The following SPATS2 variants were observed in gnomAD, a reference collection of about 807,000 sequenced individuals.
SPATS2 encodes the protein spermatogenesis associated serine rich 2, also known as spermatogenesis-associated serine-rich protein 2.
Under a neutral mutation model 63.7 loss-of-function variants are expected in SPATS2, and 38 were observed. The observed-to-expected ratio is 0.60, with a 90% CI of 0.46 to 0.78. SPATS2 has a LOEUF of 0.78. SPATS2 is among the 30% of genes least tolerant of loss of function. The pLI is 0.00. For synonymous variants in SPATS2, 207 were observed against 232.9 expected (o/e 0.89, Z 1.01); for missense variants, 588 against 666.2 (o/e 0.88, Z 1.29).
At chr12:49,423,513 C>T (rs1945020525) in intron 2 of SPATS2, among the ~76,000 whole-genome samples, 2 of 152,166 alleles carry the variant, frequency 1.3e-5, no homozygotes. Context: ...CCACAACCTG[C>T]TCTCATATTG....
intron 6 of SPATS2, 37 bp downstream of exon 6, chr12:49,490,768 AT>A (rs1946368929): frequency 1.3e-6 from 2 of 1,591,596 alleles, no homozygotes; most frequent in Admixed American, 3.4e-5. Context: ...GATGATGTGT[AT>A]ATTATTTTTA....
intron 2 of SPATS2, among the ~76,000 whole-genome samples, chr12:49,391,608 C>A (rs1944420128): frequency 6.6e-6 from 1 of 151,992 alleles, no homozygotes; most frequent in African/African-American, 2.4e-5. Context: ...TCAGTTGAAA[C>A]CTAAATTTTC....
intron 11 of SPATS2, among the ~76,000 whole-genome samples, chr12:49,520,256 G>A (rs989463180): frequency 2.0e-5 from 3 of 151,214 alleles, no homozygotes; most frequent in African/African-American, 4.9e-5. Context: ...CTAGGATTAC[G>A]GGCATGAGCC....
At chr12:49,414,003 C>A (rs1477275227) in intron 2 of SPATS2, among the ~76,000 whole-genome samples, 1 of 152,174 alleles carries the variant, frequency 6.6e-6, no homozygotes, top group Non-Finnish European at 1.5e-5. Flanking sequence ...TCCTCCATAG[C>A]TCTTGGTCTG....
intron 3 of SPATS2, chr12:49,462,216 C>G: frequency 1.5e-6 from 1 of 684,100 alleles, no homozygotes; most frequent in Non-Finnish European, 2.7e-6. Context: ...AGGATATTTC[C>G]CTGGCCCCTT....
At chr12:49,485,105 C>T (rs1029123813) in intron 4 of SPATS2, among the ~76,000 whole-genome samples, 2 of 148,332 alleles carry the variant, frequency 1.3e-5, no homozygotes, top group African/African-American at 5.0e-5. Flanking sequence ...CTCGCACTGT[C>T]ACCCAGGCTG....
chr12:49,385,306 A>G (rs1259708029), intron 2 of SPATS2, among the ~76,000 whole-genome samples: 1 of 151,374 alleles, frequency 6.6e-6, no homozygotes, highest in Admixed American at 6.6e-5. Context: ...AAACCATGAA[A>G]AAAACACCCT....
intron 2 of SPATS2, among the ~76,000 whole-genome samples, chr12:49,397,872 G>A (rs1270888503): frequency 4.2e-5 from 6 of 143,574 alleles, no homozygotes; most frequent in Admixed American, 2.1e-4. Flanking sequence ...TCCATTGGCC[G>A]AGCATGGTGG....
intron 2 of SPATS2, among the ~76,000 whole-genome samples, chr12:49,447,411 G>A (rs1466452163): frequency 6.6e-6 from 1 of 151,808 alleles, no homozygotes; most frequent in Non-Finnish European, 1.5e-5. Context: ...GCTAATTTTT[G>A]CGTTTTTAGT....
At chr12:49,453,828 G>A (rs1043713873) in intron 2 of SPATS2, among the ~76,000 whole-genome samples, 3 of 150,974 alleles carry the variant, frequency 2.0e-5, no homozygotes, top group East Asian at 3.9e-4. Flanking sequence ...ATCCAAGCAC[G>A]GGACACAGAA....
chr12:49,429,644 C>T (rs1021355450), intron 2 of SPATS2, among the ~76,000 whole-genome samples: 11 of 148,678 alleles, frequency 7.4e-5, no homozygotes, highest in Non-Finnish European at 1.3e-4. Context: ...TTAGTAGAGA[C>T]GGGGTTTCAC....
chr12:49,437,793 T>C (rs1301085164), intron 2 of SPATS2, among the ~76,000 whole-genome samples: 2 of 151,994 alleles, frequency 1.3e-5, no homozygotes, highest in African/African-American at 4.8e-5. Context: ...AGTCCAGCTT[T>C]GGCTCGGCAT....
rs537167564 is a variant in SPATS2 at position 49,462,405 on chromosome 12, G to T, written c.25+1368G>T. 3.7e-5 allele frequency: 26 copies of T among 702,404 alleles called. No individual in the cohort carries two copies. In the African/African-American group the frequency reaches 4.0e-4, roughly 11 times the overall value. 43.5% of individuals were successfully genotyped at this position (702,404 alleles called of 1,614,324 possible). A position where few individuals can be genotyped will look rare whatever the true frequency, so the allele number is the denominator to read the frequency against. ...AGCATCCAGGCTGTGGGGTGCCTGT[G>T]ACCCCCGAAGCTCCAGAGGGCATGT... On this transcript the variant is annotated intron_variant, in intron 3 of 13. Transcript: ENST00000552918.
chr12:49,526,271 G>C lies in SPATS2; in HGVS notation c.*16G>C, dbSNP rs577792195. 82 of 1,591,508 alleles carry C rather than the reference G, an allele frequency of 5.2e-5. No homozygotes were observed. The highest frequency in any genetic ancestry group is 6.4e-5 in the Non-Finnish European group (75 of 1,169,166). On this transcript the variant is annotated 3_prime_UTR_variant, in exon 14 of 14. Transcript: ENST00000552918. ...GAACTCTTGAGAGAAAATCCAGTTG[G>C]CCTCTCTCCTCTATCCACACAATTC... is the stretch of plus-strand genomic sequence containing the variant.
At chr12:49,471,033 T>C (rs1946026060) in intron 3 of SPATS2, among the ~76,000 whole-genome samples, 1 of 152,208 alleles carries the variant, frequency 6.6e-6, no homozygotes, top group African/African-American at 2.4e-5. Flanking sequence ...AATTTTTAAA[T>C]TCCATCTCTG....
chr12:49,522,042 T>A (rs74541011), intron 11 of SPATS2, among the ~76,000 whole-genome samples: 1 of 147,636 alleles, frequency 6.8e-6, no homozygotes, highest in Non-Finnish European at 1.5e-5. Context: ...AAAAAAAAAA[T>A]GATTCCAGTC....
chr12:49,515,178 T>C (rs923710680), intron 10 of SPATS2, among the ~76,000 whole-genome samples: 2 of 152,224 alleles, frequency 1.3e-5, no homozygotes, highest in Non-Finnish European at 2.9e-5. Flanking sequence ...AGTCTAACTT[T>C]GGTGATTTGT....
chr12:49,524,453 C>G (rs528922513), intron 12 of SPATS2, among the ~76,000 whole-genome samples: 3 of 152,260 alleles, frequency 2.0e-5, no homozygotes, highest in Non-Finnish European at 4.4e-5. Context: ...TTGATTTTAA[C>G]TGTTCTCTTG....
chr12:49,375,680 T>A (rs1944087504), intron 2 of SPATS2, among the ~76,000 whole-genome samples: 1 of 152,220 alleles, frequency 6.6e-6, no homozygotes, highest in Non-Finnish European at 1.5e-5. Context: ...CATGCCTTCA[T>A]AAGAAGCTTT....
Sources: allele counts gnomAD v4.1 joint callset (sites outside exome capture counted in the v4.1 genomes callset), GRCh38; gene constraint gnomAD v4.1.1; transcripts MANE v1.5; gene names NCBI Gene and HGNC (gene_info 2026-07-23, HGNC 2026-07-21).